The following PTPN9 variants were observed in gnomAD, a reference collection of about 807,000 sequenced individuals.
PTPN9 encodes the protein protein tyrosine phosphatase non-receptor type 9, also known as tyrosine-protein phosphatase non-receptor type 9.
Under a neutral mutation model 69.8 loss-of-function variants are expected in PTPN9, and 26 were observed. The observed-to-expected ratio is 0.37, with a 90% CI of 0.27 to 0.52. The LOEUF (loss-of-function observed/expected upper bound fraction) is 0.52. Among genes scored for constraint, PTPN9 ranks in the 20% least tolerant of loss-of-function variants. The pLI is 0.91. For synonymous variants in PTPN9, 274 were observed against 272.5 expected (o/e 1.01, Z -0.05); for missense variants, 549 against 740.3 (o/e 0.74, Z 3.00).
In PTPN9 at chr15:75,467,628, A is replaced by G. The variant is rs1174747905; in HGVS notation, c.*1141T>C. 1.3e-5 allele frequency: 2 copies of G among 152,554 alleles called. No individual in the cohort carries two copies. Among genetic ancestry groups the G allele is most frequent in the African/African-American group, 2.4e-5 (1 of 41,388 alleles). 9.5% of individuals were successfully genotyped at this position (152,554 alleles called of 1,614,324 possible). ...GCATAAAGGAACCATCCAGCAAAAG[A>G]AAAAGGGCCCCAGCTCATCCTCCCA... On this transcript the variant is annotated 3_prime_UTR_variant, in exon 13 of 13. Coordinates refer to ENST00000618819, the MANE Select transcript of PTPN9 (RefSeq NM_002833.4).
chr15:75,547,275 A>G (rs2075037139), intron 1 of PTPN9, among the ~76,000 whole-genome samples: 1 of 133,460 alleles, frequency 7.5e-6, no homozygotes, highest in Admixed American at 8.5e-5. Flanking sequence ...AGCTTGGCCG[A>G]CAGAGCAAGA....
chr15:75,538,569 C>A (rs529979898), intron 1 of PTPN9, among the ~76,000 whole-genome samples: 2 of 152,058 alleles, frequency 1.3e-5, no homozygotes, highest in Admixed American at 1.3e-4. Context: ...TGATGGCACA[C>A]GCCTACAGTC....
intron 7 of PTPN9, among the ~76,000 whole-genome samples, chr15:75,492,101 G>A (rs1292316878): frequency 6.6e-6 from 1 of 152,000 alleles, no homozygotes; most frequent in African/African-American, 2.4e-5. Context: ...TCAAACTCCT[G>A]GGCTCAAGCA....
intron 1 of PTPN9, among the ~76,000 whole-genome samples, chr15:75,565,680 G>A (rs2075123985): frequency 6.6e-6 from 1 of 152,172 alleles, no homozygotes; most frequent in African/African-American, 2.4e-5. Flanking sequence ...AGATATGGAA[G>A]ATAATACAAA....
At position 75,513,073 on chromosome 15, in the gene PTPN9, A is replaced by C. The variant is rs559068949; in HGVS notation, c.529-4046T>G. 9.1e-4 allele frequency: 340 copies of C among 375,438 alleles called. 1 individual carries two copies. Among genetic ancestry groups the C allele is most frequent in the Non-Finnish European group, 1.6e-3 (305 of 193,096 alleles). 23.3% of individuals were successfully genotyped at this position (375,438 alleles called of 1,614,324 possible). On this transcript the variant is annotated intron_variant, in intron 5 of 12. Transcript: ENST00000618819. ...TAACCACAGGAGAATGCTGCAGGCTATTCGCTGCTGACCAAGCTGCCACCC... is the reference window on the plus strand; with the variant it reads ...TAACCACAGGAGAATGCTGCAGGCTCTTCGCTGCTGACCAAGCTGCCACCC...
At chr15:75,491,417 A>AAT (rs1555453897) in intron 7 of PTPN9, among the ~76,000 whole-genome samples, 4 of 151,516 alleles carry the variant, frequency 2.6e-5, no homozygotes, top group Non-Finnish European at 5.9e-5. Context: ...AAAAAAAAAA[A>AAT]TAATTAAATT....
At position 75,473,746 on chromosome 15, in the gene PTPN9, C is replaced by A; in HGVS notation, c.1151G>T (p.Arg384Leu). The change falls in exon 10 of 13, where the codon CGT (arginine) becomes CTT (leucine). Residue 384 changes from arginine to leucine, a missense_variant. This residue lies in a region of PTPN9 where 457 missense variants were observed against 661.9 expected (regional missense o/e 0.69). Coordinates refer to ENST00000618819, the MANE Select transcript of PTPN9 (RefSeq NM_002833.4). ...CTCCCATACCATGAGCCAGAAATCA[C>A]GATAGGTATTCTCCAAAGGACCTGA... ...GTQGPLENTY[R>L]DFWLMVWEQK... The A allele has an allele frequency of 1.3e-6, 2 of 1,579,370 alleles. No individual in the cohort carries two copies. Among genetic ancestry groups the A allele is most frequent in the Non-Finnish European group, 1.7e-6 (2 of 1,148,484 alleles).
intron 1 of PTPN9, among the ~76,000 whole-genome samples, chr15:75,565,685 T>C (rs2075124027): frequency 6.6e-6 from 1 of 152,294 alleles, no homozygotes; most frequent in East Asian, 1.9e-4. Context: ...TGGAAGATAA[T>C]ACAAACTATC....
chr15:75,548,497 G>C (rs1432978053), intron 1 of PTPN9, among the ~76,000 whole-genome samples: 1 of 150,778 alleles, frequency 6.6e-6, no homozygotes, highest in Admixed American at 6.6e-5. Flanking sequence ...TTCGTGATCT[G>C]CTCACCTCAG....
At chr15:75,533,359 A>G (rs1040867289) in intron 1 of PTPN9, among the ~76,000 whole-genome samples, 1 of 152,150 alleles carries the variant, frequency 6.6e-6, no homozygotes, top group Non-Finnish European at 1.5e-5. Context: ...CCTGGGCTCA[A>G]TTGATCCTCC....
At chr15:75,488,343 G>GTT (rs928731912) in intron 8 of PTPN9, among the ~76,000 whole-genome samples, 3 of 144,340 alleles carry the variant, frequency 2.1e-5, no homozygotes, top group East Asian at 2.0e-4. Context: ...TCAATGCTGG[G>GTT]TTTTTTTTTT....
chr15:75,504,766 T>C (rs1433846172), intron 7 of PTPN9, among the ~76,000 whole-genome samples: 1 of 139,508 alleles, frequency 7.2e-6, no homozygotes, highest in African/African-American at 2.7e-5. Context: ...GGAGCCCCTC[T>C]GCCCGGCCAG....
At chr15:75,549,956 C>T (rs1045785090) in intron 1 of PTPN9, among the ~76,000 whole-genome samples, 6 of 151,648 alleles carry the variant, frequency 4.0e-5, no homozygotes, top group African/African-American at 1.5e-4. Context: ...CCTGAGTGAC[C>T]GAGTAAGACC....
intron 5 of PTPN9, among the ~76,000 whole-genome samples, chr15:75,511,010 T>A (rs1193063400): frequency 1.3e-5 from 2 of 152,232 alleles, no homozygotes; most frequent in African/African-American, 4.8e-5. Context: ...AGCATAATGT[T>A]TTCAAGGTTA....
chr15:75,504,982 G>A (rs1300805477), intron 7 of PTPN9, among the ~76,000 whole-genome samples: 2 of 152,164 alleles, frequency 1.3e-5, no homozygotes, highest in Admixed American at 1.3e-4. Flanking sequence ...CATTGAGAAC[G>A]GGCCAGGATG....
At chr15:75,530,453 A>T (rs8028757) in intron 1 of PTPN9, among the ~76,000 whole-genome samples, 13,336 of 101,330 alleles carry the variant, frequency 0.13, 971 homozygotes, top group East Asian at 0.29. Context: ...TTATTATTAT[A>T]ATAAAATATA....
intron 1 of PTPN9, among the ~76,000 whole-genome samples, chr15:75,529,582 C>T (rs1473492951): frequency 3.3e-5 from 5 of 152,148 alleles, no homozygotes; most frequent in Admixed American, 1.3e-4. Flanking sequence ...ACCATGGACA[C>T]GGTAATTCTG....
chr15:75,561,002 G>A (rs2075101895), intron 1 of PTPN9, among the ~76,000 whole-genome samples: 2 of 146,296 alleles, frequency 1.4e-5, no homozygotes, highest in Admixed American at 6.8e-5. Flanking sequence ...CTGGGTGACA[G>A]AGTGAGAGTA....
intron 1 of PTPN9, among the ~76,000 whole-genome samples, chr15:75,569,350 A>C (rs2075139115): frequency 6.6e-6 from 1 of 152,140 alleles, no homozygotes; most frequent in Non-Finnish European, 1.5e-5. Context: ...AAAGGCATAA[A>C]AGTCAGAAAA....
Sources: gnomAD v4.1 joint callset for allele counts (sites outside exome capture counted in the v4.1 genomes callset) on GRCh38, gnomAD v4.1.1 for gene constraint, gnomAD v4.1.1 regional missense constraint, MANE v1.5 for transcripts, NCBI Gene and HGNC (gene_info 2026-07-23, HGNC 2026-07-21) for gene names.